TNFRSF11A: variants seen among roughly 807,000 people sequenced by gnomAD.
TNFRSF11A encodes the protein tumor necrosis factor receptor superfamily member 11A.
A neutral mutation model predicts 55.7 loss-of-function variants in TNFRSF11A; 32 were observed. The ratio of observed to expected loss-of-function variants is 0.57; its 90% CI spans 0.43 to 0.77. The LOEUF is 0.77. Ranked by LOEUF, TNFRSF11A falls within the 30% of genes least tolerant of loss-of-function variation. TNFRSF11A has a pLI of 0.00. For missense variants in TNFRSF11A, 753 were observed against 809.8 expected, an observed-to-expected ratio of 0.93 and a Z score of 0.85; for synonymous variants, 311 against 331.0, an observed-to-expected ratio of 0.94 and a Z score of 0.65.
At chr18:62,344,265 A>G (rs1177385279) in intron 1 of TNFRSF11A, among the ~76,000 whole-genome samples, 1 of 152,238 alleles carries the variant, frequency 6.6e-6, no homozygotes, top group Non-Finnish European at 1.5e-5. Flanking sequence ...TAAAAATTTA[A>G]AAGTATTTCT....
intron 1 of TNFRSF11A, among the ~76,000 whole-genome samples, chr18:62,332,798 A>G (rs998604895): frequency 6.6e-6 from 1 of 152,132 alleles, no homozygotes; most frequent in Non-Finnish European, 1.5e-5. Context: ...ACCCCAAACC[A>G]AACAAAACCC....
At chr18:62,341,835 GCTT>G (rs2046314612) in intron 1 of TNFRSF11A, among the ~76,000 whole-genome samples, 4 of 68,850 alleles carry the variant, frequency 5.8e-5, no homozygotes, top group Non-Finnish European at 5.0e-5. Flanking sequence ...GCTGAGAATG[GCTT>G]TTTTTTTTTT....
intron 1 of TNFRSF11A, among the ~76,000 whole-genome samples, 194 bp from the exon 2 acceptor site, chr18:62,347,974 G>A (rs11152342): frequency 6.7e-6 from 1 of 149,354 alleles, no homozygotes; most frequent in Non-Finnish European, 1.5e-5. Context: ...TAGGAGAATC[G>A]CTTGAGCCTG....
At chr18:62,353,362 C>T (rs2046501523) in intron 3 of TNFRSF11A, among the ~76,000 whole-genome samples, 1 of 152,182 alleles carries the variant, frequency 6.6e-6, no homozygotes. Context: ...TAAGGCACAC[C>T]ACAGTTTTCT....
At chr18:62,345,020 C>T (rs749193732) in intron 1 of TNFRSF11A, among the ~76,000 whole-genome samples, 6 of 152,222 alleles carry the variant, frequency 3.9e-5, no homozygotes, top group Non-Finnish European at 7.3e-5. Context: ...GGGGACAAGT[C>T]GGTCAATCCT....
chr18:62,378,394 C>T (rs1213347723), intron 9 of TNFRSF11A, among the ~76,000 whole-genome samples: 1 of 152,196 alleles, frequency 6.6e-6, no homozygotes, highest in Non-Finnish European at 1.5e-5. Flanking sequence ...TGATTGAGGA[C>T]TTCGGCAGAG....
chr18:62,346,705 A>T (rs1331158076), intron 1 of TNFRSF11A, among the ~76,000 whole-genome samples: 5 of 152,204 alleles, frequency 3.3e-5, no homozygotes. Context: ...TGTGTGCCCC[A>T]CACCCACTCA....
intron 1 of TNFRSF11A, among the ~76,000 whole-genome samples, chr18:62,335,837 A>G (rs192678703): frequency 2.6e-5 from 4 of 152,314 alleles, no homozygotes; most frequent in Admixed American, 2.0e-4. Flanking sequence ...TAGGGAAGTT[A>G]TGAGGTTACA....
At chr18:62,374,370 T>G (rs1460058568) in intron 9 of TNFRSF11A, among the ~76,000 whole-genome samples, 1 of 152,196 alleles carries the variant, frequency 6.6e-6, no homozygotes, top group Non-Finnish European at 1.5e-5. Context: ...TTCTTCTAAA[T>G]GCCTGAAACA....
chr18:62,333,959 C>T (rs778073163), intron 1 of TNFRSF11A, among the ~76,000 whole-genome samples: 4 of 151,994 alleles, frequency 2.6e-5, no homozygotes, highest in Non-Finnish European at 5.9e-5. Context: ...CCGCCTCCCC[C>T]ATTCAAGCAA....
intron 6 of TNFRSF11A, among the ~76,000 whole-genome samples, chr18:62,361,141 A>G (rs901758937): frequency 3.3e-5 from 5 of 152,188 alleles, no homozygotes; most frequent in Non-Finnish European, 1.5e-5. Context: ...GTAAATCAAG[A>G]GTTTTGAGCA....
intron 1 of TNFRSF11A, among the ~76,000 whole-genome samples, chr18:62,345,699 AG>A (rs1473832448): frequency 2.6e-5 from 4 of 152,024 alleles, no homozygotes; most frequent in Non-Finnish European, 4.4e-5. Flanking sequence ...ATACTTTAAA[AG>A]GTTTAATTTT....
Position 62,349,915 on chromosome 18 carries a change from G to A in TNFRSF11A, c.261G>A (p.Leu87=), listed in dbSNP as rs761651792. ...LDSWNEEDKC[L]LHKVCDTGKA... ...GCTGGAATGAAGAAGATAAATGCTT[G>A]CTGCATAAAGTTTGTGATACAGGTG... Residue 87 remains leucine (L), a synonymous_variant, in exon 3 of 10, where the codon TTG becomes TTA. Transcript: ENST00000586569. 3.7e-6 allele frequency: 6 copies of A among 1,613,950 alleles called. No homozygotes were observed. The African/African-American group carries it at 4.0e-5, about 11-fold the overall frequency.
rs145678509 is a variant in TNFRSF11A, at chr18:62,331,186, G to C, written c.75+5759G>C. On this transcript the variant is annotated intron_variant, in intron 1 of 9. Transcript: ENST00000586569. ...CCACTGCACTCCAGCCTGGGTGACA[G>C]AGCGAGACTCCATCCCAAAGTAAAT... Among the ~76,000 whole-genome samples, 1,004 of 151,922 alleles carry C rather than the reference G, an allele frequency of 6.6e-3. 9 individuals are homozygous for C. Among genetic ancestry groups the C allele is most frequent in the African/African-American group, 0.023 (955 of 41,368 alleles).
rs1911875467 is a variant in TNFRSF11A, at chr18:62,388,561, C to A, written c.*3527C>A. On this transcript the variant is annotated 3_prime_UTR_variant, in exon 10 of 10. Transcript: ENST00000586569. ...GAGTAAAATGCTGCAGAGAAGAGTG[C>A]ATTCTGGGAAAAAAAGAGGAACATA... 1 of 152,240 alleles carries A rather than the reference C, an allele frequency of 6.6e-6. No homozygotes were observed. The highest frequency in any genetic ancestry group is 2.4e-5 in the African/African-American group (1 of 41,450). The allele number at this position is 152,240 out of a possible 1,614,324, so 9.4% of individuals were successfully genotyped here.
In TNFRSF11A at chr18:62,384,091, A is replaced by ACT. The variant is rs536356728; in HGVS notation, c.1568-649_1568-648dup. ...CACACACACACACAAATACACATAC[A>ACT]CTCTCTCTCTCTTTTGTAACATCTG... On this transcript the variant is annotated intron_variant, in intron 9 of 9. Coordinates refer to ENST00000586569, the MANE Select transcript of TNFRSF11A (RefSeq NM_003839.4). Among the ~76,000 whole-genome samples, 18 of 150,566 alleles carry ACT rather than the reference A, an allele frequency of 1.2e-4. 1 individual carries two copies. In the South Asian group the frequency reaches 2.3e-3, roughly 19 times the overall value.
At chr18:62,332,723 A>G (rs2046172760) in intron 1 of TNFRSF11A, among the ~76,000 whole-genome samples, 2 of 151,422 alleles carry the variant, frequency 1.3e-5, no homozygotes. Context: ...CTCTTTGTAA[A>G]CTTTTTTTTT....
chr18:62,364,639 G>A (rs1186260627), intron 7 of TNFRSF11A, among the ~76,000 whole-genome samples: 1 of 152,174 alleles, frequency 6.6e-6, no homozygotes, highest in Non-Finnish European at 1.5e-5. Flanking sequence ...TCTTTTGGTG[G>A]GGGGTAGGGA....
chr18:62,343,113 G>A (rs913644620), intron 1 of TNFRSF11A, among the ~76,000 whole-genome samples: 6 of 152,080 alleles, frequency 3.9e-5, no homozygotes, highest in South Asian at 4.1e-4. Flanking sequence ...ACATTTAATC[G>A]TTTCTCTCTT....
Sources: gnomAD v4.1 joint callset for allele counts (sites outside exome capture counted in the v4.1 genomes callset) on GRCh38, gnomAD v4.1.1 for gene constraint, MANE v1.5 for transcripts, NCBI Gene and HGNC (gene_info 2026-07-23, HGNC 2026-07-21) for gene names.